The following FUT8 variants were observed in gnomAD, a reference collection of about 807,000 sequenced individuals.
FUT8 encodes fucosyltransferase 8, also known as alpha-(1,6)-fucosyltransferase.
A neutral mutation model predicts 71.3 loss-of-function variants in FUT8; 29 were observed. The ratio of observed to expected loss-of-function variants is 0.41; its 90% CI spans 0.30 to 0.55. The LOEUF is 0.55. FUT8 is among the 20% of genes least tolerant of loss of function. The probability of loss-of-function intolerance (pLI) is 0.34; values close to 1 mark genes in which losing one functional copy is unlikely to be tolerated. For synonymous variants in FUT8, 254 were observed against 239.3 expected (o/e 1.06, Z -0.57); for missense variants, 544 against 702.1 (o/e 0.77, Z 2.55).
At chr14:65,461,673 T>G (rs1355219003) in intron 2 of FUT8, among the ~76,000 whole-genome samples, 13 of 152,220 alleles carry the variant, frequency 8.5e-5, no homozygotes, top group Admixed American at 5.9e-4. Flanking sequence ...TAGCTATTAG[T>G]TTGTTACTGA....
chr14:65,387,139 G>A, the FUT8 span, among the ~76,000 whole-genome samples: 8 of 152,178 alleles, frequency 5.3e-5, no homozygotes, highest in East Asian at 7.7e-4. Context: ...ACCATGCCCG[G>A]CTAAATATTT....
intron 2 of FUT8, among the ~76,000 whole-genome samples, chr14:65,469,011 G>A (rs954964227): frequency 1.3e-5 from 2 of 152,064 alleles, no homozygotes; most frequent in African/African-American, 4.8e-5. Context: ...GCCCAGGCCG[G>A]TCTTAGAAAA....
In FUT8 at chr14:65,540,212, C is replaced by T. The variant is rs1026071218; in HGVS notation, c.-227-21125C>T. Among the ~76,000 whole-genome samples the T allele has an allele frequency of 3.9e-5, 6 of 152,074 alleles. No homozygotes were observed. The East Asian group carries it at 9.7e-4, about 24-fold the overall frequency. On this transcript the variant is annotated intron_variant, in intron 2 of 10. Transcript: ENST00000673929. ...GAAATAGATAGGGAGTCATGATGCCCCTAAAGTTCATTTCCCCTTTCCTCT... is the reference window on the plus strand; with the variant it reads ...GAAATAGATAGGGAGTCATGATGCCTCTAAAGTTCATTTCCCCTTTCCTCT...
the FUT8 span, among the ~76,000 whole-genome samples, chr14:65,376,090 C>CA: frequency 0.011 from 1,265 of 116,738 alleles, 15 homozygotes; most frequent in East Asian, 0.042. Context: ...GACCCTGTCT[C>CA]AAAAAAAAAA....
At chr14:65,636,943 T>C (rs1034649282) in intron 6 of FUT8, among the ~76,000 whole-genome samples, 3 of 152,186 alleles carry the variant, frequency 2.0e-5, no homozygotes, top group East Asian at 3.8e-4. Context: ...ACAACCCTAA[T>C]AGACAAGTAT....
chr14:65,474,114 T>A (rs1455343428), intron 2 of FUT8, among the ~76,000 whole-genome samples: 2 of 151,918 alleles, frequency 1.3e-5, no homozygotes, highest in Non-Finnish European at 2.9e-5. Flanking sequence ...GCATACAGAA[T>A]AGTAAAATAG....
chr14:65,625,944 G>A (rs1297336944), intron 5 of FUT8, among the ~76,000 whole-genome samples: 2 of 152,012 alleles, frequency 1.3e-5, no homozygotes, highest in Non-Finnish European at 2.9e-5. Flanking sequence ...TTAAGAATCA[G>A]GAATAAAAGA....
the FUT8 span, among the ~76,000 whole-genome samples, chr14:65,371,725 T>C: frequency 1.3e-5 from 2 of 152,222 alleles, no homozygotes; most frequent in Admixed American, 6.5e-5. Flanking sequence ...TTTCTTGTTT[T>C]CTGACACAAC....
chr14:65,491,054 G>A (rs2066475194), intron 2 of FUT8, among the ~76,000 whole-genome samples: 1 of 152,104 alleles, frequency 6.6e-6, no homozygotes, highest in East Asian at 1.9e-4. Context: ...AAACTTGCCT[G>A]TATTTGCATT....
At chr14:65,708,831 G>C (rs1001687824) in intron 7 of FUT8, among the ~76,000 whole-genome samples, 1 of 152,122 alleles carries the variant, frequency 6.6e-6, no homozygotes, top group Non-Finnish European at 1.5e-5. Context: ...ATCAGTGCCT[G>C]CTGCGGTCGG....
intron 3 of FUT8, among the ~76,000 whole-genome samples, chr14:65,592,450 A>G (rs893517703): frequency 2.0e-5 from 3 of 151,958 alleles, no homozygotes; most frequent in Admixed American, 6.6e-5. Context: ...CTACGTACCT[A>G]CCTACCTTCC....
upstream of FUT8, chr14:65,412,298 A>C (rs1376157949): frequency 2.2e-6 from 1 of 456,716 alleles, no homozygotes; most frequent in Non-Finnish European, 4.4e-6. Flanking sequence ...GCGCACCCCT[A>C]AAAGTAGCAA....
At chr14:65,714,186 T>C (rs1194283897) in intron 7 of FUT8, among the ~76,000 whole-genome samples, 1 of 152,198 alleles carries the variant, frequency 6.6e-6, no homozygotes, top group East Asian at 1.9e-4. Context: ...TGTCAATGTA[T>C]AGATTTGTTT....
chr14:65,579,945 A>G (rs1010703606), intron 3 of FUT8, among the ~76,000 whole-genome samples: 9 of 152,110 alleles, frequency 5.9e-5, no homozygotes, highest in Middle Eastern at 3.4e-3. Context: ...TGTGTCAGTA[A>G]TACCCTATTC....
Position 65,508,403 on chromosome 14 carries a change from A to G in FUT8, c.-228+52685A>G, listed in dbSNP as rs1253475992. Among the ~76,000 whole-genome samples, 7 of 132,750 alleles carry G rather than the reference A, an allele frequency of 5.3e-5. No individual in the cohort carries two copies. In the Admixed American group the frequency reaches 5.5e-4, roughly 10 times the overall value. The allele number at this position is 132,750 out of a possible 152,430, so 87.1% of individuals were successfully genotyped here. A position where few individuals can be genotyped will look rare whatever the true frequency, so the allele number is the denominator to read the frequency against. On this transcript the variant is annotated intron_variant, in intron 2 of 10. Coordinates refer to ENST00000673929, the MANE Select transcript of FUT8 (RefSeq NM_001371533.1). Reference sequence around the variant, plus strand: ...TTTCATACGTGTGTTTGCTAGTTGTATGTCTGTTTTTTTTTTGAAAATGTC... The same window carrying G: ...TTTCATACGTGTGTTTGCTAGTTGTGTGTCTGTTTTTTTTTTGAAAATGTC...
At chr14:65,416,185 G>C (rs2065216551) in intron 1 of FUT8, among the ~76,000 whole-genome samples, 1 of 151,538 alleles carries the variant, frequency 6.6e-6, no homozygotes. Flanking sequence ...ATAGCAAATT[G>C]ATAAATATAA....
the FUT8 span, among the ~76,000 whole-genome samples, chr14:65,376,155 A>T: frequency 6.6e-6 from 1 of 152,144 alleles, no homozygotes; most frequent in Non-Finnish European, 1.5e-5. Context: ...GAAAGCATAG[A>T]GTAAAACCAA....
intron 1 of FUT8, among the ~76,000 whole-genome samples, chr14:65,438,511 C>G (rs914038038): frequency 6.6e-6 from 1 of 152,096 alleles, no homozygotes; most frequent in African/African-American, 2.4e-5. Flanking sequence ...CAACTTAGAT[C>G]ATGAGGATAG....
intron 2 of FUT8, among the ~76,000 whole-genome samples, chr14:65,526,307 C>T (rs1214669186): frequency 1.3e-5 from 2 of 152,124 alleles, no homozygotes; most frequent in East Asian, 3.8e-4. Context: ...GTACCTTTAC[C>T]ATTATGTAAT....
Sources: gnomAD v4.1 joint callset for allele counts (sites outside exome capture counted in the v4.1 genomes callset) on GRCh38, gnomAD v4.1.1 for gene constraint, MANE v1.5 for transcripts, NCBI Gene and HGNC (gene_info 2026-07-23, HGNC 2026-07-21) for gene names.